KAZN: variants seen among roughly 807,000 people sequenced by gnomAD.
KAZN encodes the protein kazrin.
KAZN carries 40 observed loss-of-function variants against 87.4 expected under a neutral mutation model. The ratio of observed to expected loss-of-function variants is 0.46; its 90% CI spans 0.36 to 0.60. The LOEUF (loss-of-function observed/expected upper bound fraction) is 0.60, where lower values mean the gene tolerates loss of function less well. KAZN is among the 20% of genes least tolerant of loss of function. The probability of loss-of-function intolerance (pLI) is 0.00; values close to 1 mark genes in which losing one functional copy is unlikely to be tolerated. For missense variants in KAZN, 898 were observed against 1,073.9 expected, an observed-to-expected ratio of 0.84 and a Z score of 2.29; for synonymous variants, 466 against 458.3, an observed-to-expected ratio of 1.02 and a Z score of -0.22.
chr1:14,182,750 G>T (rs952307506), intron 2 of KAZN, among the ~76,000 whole-genome samples: 4 of 152,156 alleles, frequency 2.6e-5, no homozygotes, highest in African/African-American at 9.7e-5. Flanking sequence ...TTTTCCATCT[G>T]TGCTTTAACA....
At chr1:14,300,595 G>A (rs1304599347) in intron 2 of KAZN, among the ~76,000 whole-genome samples, 1 of 152,164 alleles carries the variant, frequency 6.6e-6, no homozygotes, top group Non-Finnish European at 1.5e-5. Flanking sequence ...CCCTCTAGCT[G>A]CACAGAGGAA....
At chr1:14,280,470 G>C (rs982668310) in intron 2 of KAZN, among the ~76,000 whole-genome samples, 1 of 150,348 alleles carries the variant, frequency 6.7e-6, no homozygotes, top group Non-Finnish European at 1.5e-5. Context: ...TGTGGACTCA[G>C]ACAGGCACAC....
intron 2 of KAZN, among the ~76,000 whole-genome samples, chr1:15,010,219 G>C (rs1413353406): frequency 1.3e-5 from 2 of 151,996 alleles, no homozygotes; most frequent in African/African-American, 4.8e-5. Context: ...GCATCCCCAT[G>C]GTGTCCTTAA....
At chr1:14,865,302 G>A (rs1651326833) in intron 1 of KAZN, among the ~76,000 whole-genome samples, 1 of 152,212 alleles carries the variant, frequency 6.6e-6, no homozygotes, top group Admixed American at 6.5e-5. Flanking sequence ...AGTAGTTAAT[G>A]AAGATGATAA....
intron 1 of KAZN, among the ~76,000 whole-genome samples, chr1:14,908,022 G>A (rs1656807537): frequency 6.6e-6 from 1 of 152,330 alleles, no homozygotes; most frequent in East Asian, 1.9e-4. Flanking sequence ...ATCATGCCGG[G>A]CACTTCACCT....
At position 14,603,259 on chromosome 1, in the gene KAZN, A is replaced by G. The variant is rs1038694173; in HGVS notation, c.226+4036A>G. ...TTGAGAAAGAGAATTTTCAAATGGC[A>G]GAGAGGATGGAACAAAATGTTGGGG... On this transcript the variant is annotated intron_variant, in intron 1 of 14. Coordinates refer to ENST00000376030, the MANE Select transcript of KAZN (RefSeq NM_201628.3). Among the ~76,000 whole-genome samples, 6 of 152,202 alleles carry G rather than the reference A, an allele frequency of 3.9e-5. No individual in the cohort carries two copies. In the East Asian group the frequency reaches 1.2e-3, roughly 29 times the overall value.
At chr1:14,793,551 A>G (rs1645743789) in intron 1 of KAZN, among the ~76,000 whole-genome samples, 1 of 152,206 alleles carries the variant, frequency 6.6e-6, no homozygotes, top group Admixed American at 6.5e-5. Flanking sequence ...AATGGGCATA[A>G]CAAGAGTACC....
intron 1 of KAZN, among the ~76,000 whole-genome samples, chr1:14,060,599 C>A (rs1642757833): frequency 6.6e-6 from 1 of 152,190 alleles, no homozygotes; most frequent in Admixed American, 6.5e-5. Context: ...CCCCTGACTT[C>A]TTTTCTTCTG....
At chr1:14,114,409 A>G (rs1644566888) in intron 1 of KAZN, among the ~76,000 whole-genome samples, 1 of 151,994 alleles carries the variant, frequency 6.6e-6, no homozygotes, top group African/African-American at 2.4e-5. Context: ...ATCAGGAAGG[A>G]AGTGGTTTAG....
chr1:14,045,557 A>C (rs1213635710), intron 1 of KAZN, among the ~76,000 whole-genome samples: 4 of 151,524 alleles, frequency 2.6e-5, no homozygotes, highest in Non-Finnish European at 1.5e-5. Context: ...ATTATCAATG[A>C]TAACTGACAG....
At chr1:14,825,444 C>T (rs749360538) in intron 1 of KAZN, among the ~76,000 whole-genome samples, 22 of 151,982 alleles carry the variant, frequency 1.4e-4, no homozygotes, top group Non-Finnish European at 2.4e-4. Context: ...TCCTGCTTGC[C>T]GCGGGCCTGA....
chr1:13,913,945 C>G (rs1303530709), intron 1 of KAZN, among the ~76,000 whole-genome samples: 1 of 152,180 alleles, frequency 6.6e-6, no homozygotes, highest in Non-Finnish European at 1.5e-5. Context: ...CACCTGGGAA[C>G]TTGTTAGAAA....
intron 1 of KAZN, among the ~76,000 whole-genome samples, chr1:14,807,986 G>A (rs1646277249): frequency 6.6e-6 from 1 of 152,128 alleles, no homozygotes; most frequent in South Asian, 2.1e-4. Context: ...CAAGACAAAG[G>A]AGCAAGGAAG....
At position 14,079,786 on chromosome 1, in the gene KAZN, G is replaced by A. The variant is rs140546476; in HGVS notation, c.92-100649G>A. On this transcript the variant is annotated intron_variant, in intron 1 of 16. Coordinates refer to the KAZN transcript ENST00000636203. ...AAAGAGTTAAACAACCAGCTTTCCC[G>A]TGAAGGAATAGAGCATATAGAGAAC... Among the ~76,000 whole-genome samples the A allele has an allele frequency of 5.3e-5, 8 of 152,274 alleles. No homozygotes were observed. In the East Asian group the frequency reaches 1.4e-3, roughly 26 times the overall value.
chr1:14,621,946 CCT>C (rs1392051853), intron 1 of KAZN, among the ~76,000 whole-genome samples: 1 of 152,148 alleles, frequency 6.6e-6, no homozygotes, highest in African/African-American at 2.4e-5. Context: ...CCCTAAGAAA[CCT>C]TACAAAGCCT....
At chr1:14,631,627 G>T (rs1679572361) in intron 1 of KAZN, among the ~76,000 whole-genome samples, 1 of 152,254 alleles carries the variant, frequency 6.6e-6, no homozygotes, top group Non-Finnish European at 1.5e-5. Context: ...GTACAGCAGA[G>T]ACATGTGACT....
chr1:14,129,786 C>T (rs988379560), intron 1 of KAZN, among the ~76,000 whole-genome samples: 16 of 151,696 alleles, frequency 1.1e-4, no homozygotes, highest in African/African-American at 3.1e-4. Flanking sequence ...AGCGAGTGAG[C>T]GAGAGAGAGA....
At chr1:14,870,642 TC>T (rs1652032907) in intron 1 of KAZN, among the ~76,000 whole-genome samples, 1 of 152,160 alleles carries the variant, frequency 6.6e-6, no homozygotes, top group Non-Finnish European at 1.5e-5. Flanking sequence ...GGCCCGGTTT[TC>T]CTCATCTGTT....
chr1:13,947,762 C>T (rs761189633), intron 1 of KAZN, among the ~76,000 whole-genome samples: 8 of 152,254 alleles, frequency 5.3e-5, no homozygotes, highest in Non-Finnish European at 7.4e-5. Context: ...TGTAGACAGC[C>T]GTCTTCTCCC....
Sources: gnomAD v4.1 joint callset for allele counts (sites outside exome capture counted in the v4.1 genomes callset) on GRCh38, gnomAD v4.1.1 for gene constraint, MANE v1.5 for transcripts, NCBI Gene and HGNC (gene_info 2026-07-23, HGNC 2026-07-21) for gene names.